Variants in CERS1 observed in about 807,000 individuals in gnomAD.
The protein encoded by CERS1 is Embryonic growth/differentiation factor 1.
In CERS1, 16 loss-of-function variants were observed where a neutral mutation model predicts 35.7. The ratio of observed to expected loss-of-function variants is 0.45; its 90% CI spans 0.30 to 0.68. The LOEUF (loss-of-function observed/expected upper bound fraction) is 0.68, where lower values mean the gene tolerates loss of function less well. CERS1 is among the 30% of genes least tolerant of loss of function. CERS1 has a pLI of 0.08. For missense variants in CERS1, 454 were observed against 453.9 expected, an observed-to-expected ratio of 1.00 and a Z score of 0.00; for synonymous variants, 243 against 201.6, an observed-to-expected ratio of 1.21 and a Z score of -1.74.
chr19:18,869,058 G>A lies in CERS1; in HGVS notation c.*927C>T, dbSNP rs1037827220. The A allele has an allele frequency of 1.9e-6, 2 of 1,061,722 alleles. No homozygotes were observed. Among genetic ancestry groups the A allele is most frequent in the Non-Finnish European group, 2.3e-6 (2 of 880,230 alleles). The allele number at this position is 1,061,722 out of a possible 1,614,324, so 65.8% of individuals were successfully genotyped here. On this transcript the variant is annotated 3_prime_UTR_variant, in exon 8 of 8. Coordinates refer to ENST00000623882, the MANE Select transcript of CERS1 (RefSeq NM_021267.5). ...GCGCAGGCGGCAGGGGCCCGGGGGCGTAGCGCCAGCGCCAGGCGGAGGCTG... is the reference window on the plus strand; with the variant it reads ...GCGCAGGCGGCAGGGGCCCGGGGGCATAGCGCCAGCGCCAGGCGGAGGCTG...
intron 3 of CERS1, among the ~76,000 whole-genome samples, chr19:18,880,966 T>C (rs1028784813): frequency 3.9e-5 from 6 of 152,162 alleles, no homozygotes; most frequent in African/African-American, 1.4e-4. Flanking sequence ...CCCAAAGTGC[T>C]GGGATTACAG....
rs1293226843 is a variant in CERS1 at position 18,895,730 on chromosome 19, G to A, written c.249+94C>T. Reference sequence around the variant, plus strand: ...GACCCCTTCATCCGCAGCAGCCAGCGCTGGAAGAAAGGAACGCGCCGGCGG... The same window carrying A: ...GACCCCTTCATCCGCAGCAGCCAGCACTGGAAGAAAGGAACGCGCCGGCGG... On this transcript the variant is annotated intron_variant, in intron 1 of 7. Transcript: ENST00000623882. This position sits in a 1 kb window ranked among gnomAD's most constrained non-coding sequence, Gnocchi z 6.4. The A allele has an allele frequency of 2.2e-5, 14 of 645,636 alleles. No individual in the cohort carries two copies. The highest frequency in any genetic ancestry group is 2.9e-5 in the Non-Finnish European group (14 of 479,510). 40.0% of individuals were successfully genotyped at this position (645,636 alleles called of 1,614,324 possible).
intron 1 of CERS1, among the ~76,000 whole-genome samples, chr19:18,894,978 C>A (rs1037181722): frequency 5.9e-5 from 9 of 152,322 alleles, no homozygotes; most frequent in African/African-American, 2.2e-4. Flanking sequence ...CCACAGCGAC[C>A]CCTCCCCAGG....
In CERS1 at chr19:18,879,164, G is replaced by A. The variant is rs903532348; in HGVS notation, c.900+77C>T. ...TCTGCCACCTAACGTGCCCCTCCCC[G>A]GGACTGCCTGAGGAGGGGACAGGGA... On this transcript the variant is annotated intron_variant, in intron 5 of 7. Coordinates refer to ENST00000623882, the MANE Select transcript of CERS1 (RefSeq NM_021267.5). 38 of 1,599,876 alleles carry A rather than the reference G, an allele frequency of 2.4e-5. No individual in the cohort carries two copies. The East Asian group carries it at 4.3e-4, about 18-fold the overall frequency.
intron 1 of CERS1, among the ~76,000 whole-genome samples, chr19:18,894,238 G>A (rs1194928984): frequency 6.6e-6 from 1 of 151,720 alleles, no homozygotes; most frequent in Non-Finnish European, 1.5e-5. Flanking sequence ...GCAGGGGTTG[G>A]GGAGTGCGGT....
chr19:18,888,724 G>A (rs139648685), intron 2 of CERS1, among the ~76,000 whole-genome samples: 2 of 147,646 alleles, frequency 1.4e-5, no homozygotes, highest in Non-Finnish European at 3.0e-5. Flanking sequence ...CAGCTACTCC[G>A]GAGGCTGAGG....
At chr19:18,885,510 C>A (rs1047498480) in intron 2 of CERS1, among the ~76,000 whole-genome samples, 3 of 29,506 alleles carry the variant, frequency 1.0e-4, no homozygotes, top group Non-Finnish European at 2.2e-4. Context: ...CGCCCCTTCT[C>A]GTTTTTTTTT....
Position 18,873,854 on chromosome 19 carries a change from A to G in CERS1, c.1011-3235T>C, listed in dbSNP as rs1376789775. On this transcript the variant is annotated intron_variant, in intron 6 of 7. Transcript: ENST00000623882. ...AGACTCTGTCTCGAAAAAAAAAAAAAAAGAAGAAGAAGGGGAGGGGACTCT... is the reference window on the plus strand; with the variant it reads ...AGACTCTGTCTCGAAAAAAAAAAAAGAAGAAGAAGAAGGGGAGGGGACTCT... Among the ~76,000 whole-genome samples the G allele has an allele frequency of 3.3e-5, 5 of 151,318 alleles. No individual in the cohort carries two copies. In the East Asian group the frequency reaches 5.8e-4, roughly 18 times the overall value.
chr19:18,874,172 T>C (rs2056022580), intron 6 of CERS1, among the ~76,000 whole-genome samples: 1 of 152,212 alleles, frequency 6.6e-6, no homozygotes, highest in Admixed American at 6.5e-5. Context: ...CGGCCACTTC[T>C]GCTTTCTTGG....
At chr19:18,892,486 C>T (rs191258837) in intron 2 of CERS1, among the ~76,000 whole-genome samples, 2,057 of 151,964 alleles carry the variant, frequency 0.014, 43 homozygotes, top group African/African-American at 0.042. Context: ...TGGTGGCGGG[C>T]GCCTGTGGTC....
chr19:18,876,642 C>T (rs905272100), intron 6 of CERS1, among the ~76,000 whole-genome samples: 1 of 151,976 alleles, frequency 6.6e-6, no homozygotes, highest in African/African-American at 2.4e-5. Context: ...GCCTTGGCCT[C>T]CCAAAGTGCT....
intron 2 of CERS1, 27 bp from the exon 3 acceptor site, chr19:18,884,294 G>C (rs773444988): frequency 1.3e-6 from 2 of 1,593,030 alleles, no homozygotes; most frequent in Non-Finnish European, 1.7e-6. Context: ...CTCACAGTCA[G>C]GGCCCTGCGA....
chr19:18,870,066 G>A lies in CERS1; in HGVS notation c.*511C>T, dbSNP rs578136748. On this transcript the variant is annotated 3_prime_UTR_variant, in exon 7 of 8. Transcript: ENST00000623882. The surrounding 1 kb of genome is among the most constrained non-coding windows in gnomAD (Gnocchi z 5.1). ...CGGTTGCAGGGTGACCCCTGGGGAC[G>A]TCCGCCGCGAGCCAGACCTGGTCTC... is the stretch of plus-strand genomic sequence containing the variant. 1.3e-6 allele frequency: 2 copies of A among 1,583,708 alleles called. No homozygotes were observed. Among genetic ancestry groups the A allele is most frequent in the Non-Finnish European group, 1.7e-6 (2 of 1,170,064 alleles).
At chr19:18,875,816 G>A (rs113266702) in intron 6 of CERS1, among the ~76,000 whole-genome samples, 50 of 152,274 alleles carry the variant, frequency 3.3e-4, no homozygotes, top group African/African-American at 1.1e-3. Context: ...CTGGGAAGAC[G>A]GAGACTGAGA....
chr19:18,875,451 G>A (rs1290469958), intron 6 of CERS1, among the ~76,000 whole-genome samples: 1 of 151,518 alleles, frequency 6.6e-6, no homozygotes, highest in African/African-American at 2.4e-5. Context: ...GCTGAGGCAG[G>A]AGAATTACTT....
chr19:18,869,664 C>T (rs2055927899), intron 7 of CERS1, among the ~76,000 whole-genome samples: 2 of 150,322 alleles, frequency 1.3e-5, no homozygotes, highest in South Asian at 2.1e-4. Context: ...AGAACCTGGG[C>T]CCCTGGGGAA....
intron 6 of CERS1, among the ~76,000 whole-genome samples, chr19:18,873,494 T>C (rs183311443): frequency 3.2e-4 from 49 of 151,228 alleles, no homozygotes; most frequent in African/African-American, 1.1e-3. Flanking sequence ...CCTAGGAGTT[T>C]GAGATCAGCC....
chr19:18,869,429 C>A, intron 7 of CERS1, 39 bp from the exon 8 acceptor site: 2 of 1,518,648 alleles, frequency 1.3e-6, no homozygotes, highest in South Asian at 1.2e-5. Context: ...CGCGCTGCGT[C>A]CCCGGCCTGC....
In CERS1 at chr19:18,878,923, C is replaced by T. The variant is rs751860671; in HGVS notation, c.1010+7G>A. ...GGAACGCGGGGTGCGGGCCCCTCCA[C>T]ACTCACTCGGCTTTGCTGGGCTTCA... On this transcript the variant is annotated splice_region_variant and intron_variant, in intron 6 of 7. Coordinates refer to ENST00000623882, the MANE Select transcript of CERS1 (RefSeq NM_021267.5). This position sits in a 1 kb window ranked among gnomAD's most constrained non-coding sequence, Gnocchi z 4.6. 2 of 1,613,434 alleles carry T rather than the reference C, an allele frequency of 1.2e-6. No homozygotes were observed. Among genetic ancestry groups the T allele is most frequent in the East Asian group, 2.2e-5 (1 of 44,872 alleles).
Sources: gnomAD v4.1 joint callset for allele counts (sites outside exome capture counted in the v4.1 genomes callset) on GRCh38, gnomAD v4.1.1 for gene constraint, Gnocchi (gnomAD v3.1) non-coding constraint, MANE v1.5 for transcripts, NCBI Gene and HGNC (gene_info 2026-07-23, HGNC 2026-07-21) for gene names.